Variants in SLC24A2 observed in about 807,000 individuals in gnomAD.
SLC24A2 encodes the protein solute carrier family 24 member 2.
In SLC24A2, 36 loss-of-function variants were observed where a neutral mutation model predicts 62.0. The ratio of observed to expected loss-of-function variants is 0.58; its 90% CI spans 0.44 to 0.77. The LOEUF (loss-of-function observed/expected upper bound fraction) is 0.77. Ranked by LOEUF, SLC24A2 falls within the 30% of genes least tolerant of loss-of-function variation. The probability of loss-of-function intolerance (pLI) is 0.00; values close to 1 mark genes in which losing one functional copy is unlikely to be tolerated. For synonymous variants in SLC24A2, 358 were observed against 294.0 expected (o/e 1.22, Z -2.23); for missense variants, 846 against 817.9 (o/e 1.03, Z -0.42).
the SLC24A2 span, among the ~76,000 whole-genome samples, chr9:19,813,971 G>A: frequency 1.3e-5 from 2 of 152,084 alleles, no homozygotes; most frequent in Admixed American, 1.3e-4. Flanking sequence ...GCTACCCAAG[G>A]TCATAGTACT....
rs941135065 is a variant in SLC24A2 at position 19,508,897 on chromosome 9, A to G, written c.*7256T>C. 1 of 152,204 alleles carries G rather than the reference A, an allele frequency of 6.6e-6. No individual in the cohort carries two copies. The highest frequency in any genetic ancestry group is 1.9e-4 in the East Asian group (1 of 5,202). The allele number at this position is 152,204 out of a possible 1,614,324, so 9.4% of individuals were successfully genotyped here. A position where few individuals can be genotyped will look rare whatever the true frequency, so the allele number is the denominator to read the frequency against. ...GTGTGTGTAAACAGTGTACCATACT[A>G]GGTTAGAAATTGTGTATTTTAGCGG... On this transcript the variant is annotated 3_prime_UTR_variant, in exon 11 of 11. Coordinates refer to ENST00000341998, the MANE Select transcript of SLC24A2 (RefSeq NM_020344.4).
the SLC24A2 span, among the ~76,000 whole-genome samples, chr9:19,908,012 T>C: frequency 2.0e-5 from 3 of 152,112 alleles, no homozygotes; most frequent in South Asian, 6.2e-4. Context: ...ACCAAAAAAG[T>C]GCCCGCATCA....
chr9:19,992,898 C>T, the SLC24A2 span, among the ~76,000 whole-genome samples: 2 of 152,190 alleles, frequency 1.3e-5, no homozygotes, highest in Admixed American at 1.3e-4. Context: ...CATTTTTCAT[C>T]AGTGTGGGGT....
At chr9:20,111,492 T>C in the SLC24A2 span, among the ~76,000 whole-genome samples, 1 of 152,326 alleles carries the variant, frequency 6.6e-6, no homozygotes, top group South Asian at 2.1e-4. Flanking sequence ...ATTAATCTCT[T>C]CTCAAATTTC....
chr9:19,594,684 G>C (rs1465957799), intron 5 of SLC24A2, among the ~76,000 whole-genome samples: 3 of 152,170 alleles, frequency 2.0e-5, no homozygotes, highest in Non-Finnish European at 2.9e-5. Context: ...TTTCTCAAAG[G>C]CTAGCTAGCT....
chr9:20,151,419 G>C, the SLC24A2 span, among the ~76,000 whole-genome samples: 1 of 151,760 alleles, frequency 6.6e-6, no homozygotes, highest in Non-Finnish European at 1.5e-5. Flanking sequence ...TTCACAGTCT[G>C]TTCAGGTATT....
chr9:19,691,260 C>T (rs1301465236), intron 2 of SLC24A2, among the ~76,000 whole-genome samples: 2 of 152,118 alleles, frequency 1.3e-5, no homozygotes, highest in Non-Finnish European at 2.9e-5. Context: ...ACAAAGGCCT[C>T]CAAGGATTGA....
chr9:19,882,864 G>C, the SLC24A2 span, among the ~76,000 whole-genome samples: 5 of 152,100 alleles, frequency 3.3e-5, no homozygotes, highest in African/African-American at 9.7e-5. Flanking sequence ...TGGGTGAAAA[G>C]GCTACTCCAC....
the SLC24A2 span, among the ~76,000 whole-genome samples, chr9:20,176,114 G>A: frequency 1.3e-5 from 2 of 152,132 alleles, no homozygotes; most frequent in Admixed American, 6.6e-5. Flanking sequence ...TCTTACCTTA[G>A]AGGCACATGC....
chr9:20,213,316 G>T, the SLC24A2 span, among the ~76,000 whole-genome samples: 1 of 151,612 alleles, frequency 6.6e-6, no homozygotes, highest in Non-Finnish European at 1.5e-5. Context: ...ACAACCTATA[G>T]GATGAAGTCA....
chr9:20,115,873 G>A, the SLC24A2 span, among the ~76,000 whole-genome samples: 2 of 152,164 alleles, frequency 1.3e-5, no homozygotes, highest in Non-Finnish European at 2.9e-5. Context: ...TTTAAGCAAT[G>A]ATTGCATCAG....
At position 19,788,391 on chromosome 9, in the gene SLC24A2, A is replaced by G. The variant is rs1823243261; in HGVS notation, c.-154+494T>C. The G allele has an allele frequency of 5.4e-6, 3 of 557,112 alleles. No individual in the cohort carries two copies. In the South Asian group the frequency reaches 2.3e-4, roughly 43 times the overall value. The allele number at this position is 557,112 out of a possible 1,614,324, so 34.5% of individuals were successfully genotyped here. A position where few individuals can be genotyped will look rare whatever the true frequency, so the allele number is the denominator to read the frequency against. The stretch of plus-strand genomic sequence containing the variant: ...TCCAGCCCGATCCTCGCTCCCCCTG[A>G]AAACCCACCGCTCGTCTCCCCGGGA... On this transcript the variant is annotated intron_variant, in intron 1 of 10. Transcript: ENST00000341998.
the SLC24A2 span, among the ~76,000 whole-genome samples, chr9:19,905,469 T>G: frequency 2.0e-5 from 3 of 151,192 alleles, no homozygotes; most frequent in Non-Finnish European, 4.4e-5. Flanking sequence ...AGTGCAATGG[T>G]GTGATCTAGG....
At chr9:19,699,095 T>A (rs532024388) in intron 2 of SLC24A2, among the ~76,000 whole-genome samples, 13 of 152,260 alleles carry the variant, frequency 8.5e-5, no homozygotes, top group Admixed American at 7.2e-4. Context: ...GTGCTTATGT[T>A]CTGGTGCTGG....
chr9:19,906,528 T>A, the SLC24A2 span, among the ~76,000 whole-genome samples: 1 of 152,032 alleles, frequency 6.6e-6, no homozygotes, highest in Non-Finnish European at 1.5e-5. Flanking sequence ...AAAAAATCAA[T>A]GAATCCAGGA....
At chr9:20,050,260 A>T in the SLC24A2 span, among the ~76,000 whole-genome samples, 1 of 151,524 alleles carries the variant, frequency 6.6e-6, no homozygotes, top group Non-Finnish European at 1.5e-5. Flanking sequence ...AAAAAAAAAA[A>T]AAAAATTTAG....
At chr9:19,549,396 C>T (rs1051619581) in intron 8 of SLC24A2, among the ~76,000 whole-genome samples, 2 of 152,152 alleles carry the variant, frequency 1.3e-5, no homozygotes, top group Non-Finnish European at 2.9e-5. Context: ...TTAATCAAGA[C>T]ACACTTAGGA....
rs540390732 is a variant in SLC24A2, at chr9:19,511,663, G to C, written c.*4490C>G. On this transcript the variant is annotated 3_prime_UTR_variant, in exon 11 of 11. Transcript: ENST00000341998. ...TCTTTTAAAAATATTAAGCCGGATC[G>C]TTAAGGAATATGTGGCTTAGCAAGA... is the stretch of plus-strand genomic sequence containing the variant. 6.6e-6 allele frequency: 1 copy of C among 152,126 alleles called. No homozygotes were observed. Among genetic ancestry groups the C allele is most frequent in the Non-Finnish European group, 1.5e-5 (1 of 68,040 alleles). The allele number at this position is 152,126 out of a possible 1,614,324, so 9.4% of individuals were successfully genotyped here.
At position 19,702,696 on chromosome 9, in the gene SLC24A2, CATG is replaced by C. The variant is rs142066289; in HGVS notation, c.931-80400_931-80398del. Among the ~76,000 whole-genome samples, 1,221 of 152,174 alleles carry C rather than the reference CATG, an allele frequency of 8.0e-3. 17 individuals carry two copies. The highest frequency in any genetic ancestry group is 0.028 in the African/African-American group (1,164 of 41,526). On this transcript the variant is annotated intron_variant, in intron 2 of 10. Coordinates refer to ENST00000341998, the MANE Select transcript of SLC24A2 (RefSeq NM_020344.4). ...ACTTCAGTCATTTTTATAACATCAG[CATG>C]ATATTTTGCCATATTTTCTTAATTT...
Sources: allele counts gnomAD v4.1 joint callset (sites outside exome capture counted in the v4.1 genomes callset), GRCh38; gene constraint gnomAD v4.1.1; transcripts MANE v1.5; gene names NCBI Gene and HGNC (gene_info 2026-07-23, HGNC 2026-07-21).